AFAP1L2: variants seen among roughly 807,000 people sequenced by gnomAD.
AFAP1L2 encodes the protein actin filament associated protein 1 like 2.
AFAP1L2 carries 46 observed loss-of-function variants against 99.3 expected under a neutral mutation model. The ratio of observed to expected loss-of-function variants is 0.46; its 90% confidence interval spans 0.37 to 0.59. The LOEUF (loss-of-function observed/expected upper bound fraction) is 0.59, where lower values mean the gene tolerates loss of function less well. Ranked by LOEUF, AFAP1L2 falls within the 20% of genes least tolerant of loss-of-function variation. The pLI is 0.00. For missense variants in AFAP1L2, 959 were observed against 1,034.9 expected (o/e 0.93, Z 1.01); for synonymous variants, 397 against 419.1 (o/e 0.95, Z 0.64).
intron 1 of AFAP1L2, among the ~76,000 whole-genome samples, chr10:114,381,441 G>C (rs920712145): frequency 6.6e-6 from 1 of 152,172 alleles, no homozygotes; most frequent in Non-Finnish European, 1.5e-5. Context: ...TTTTTATTGA[G>C]ATGATGAAAA....
rs190427191 is a variant in AFAP1L2, at chr10:114,354,443, G to C, written c.17-13712C>G. On this transcript the variant is annotated intron_variant, in intron 1 of 18. Coordinates refer to ENST00000304129, the MANE Select transcript of AFAP1L2 (RefSeq NM_001001936.3). ...TGAAGAAGTTAGAGAACAATAATGA[G>C]TGGAAATTAATCATTTGGTCTATTT... is the stretch of plus-strand genomic sequence containing the variant. Among the ~76,000 whole-genome samples, 38 of 152,298 alleles carry C rather than the reference G, an allele frequency of 2.5e-4. No individual in the cohort carries two copies. In the South Asian group the frequency reaches 7.7e-3, roughly 31 times the overall value.
intron 1 of AFAP1L2, among the ~76,000 whole-genome samples, chr10:114,404,062 T>C (rs2058489249): frequency 6.6e-6 from 1 of 152,022 alleles, no homozygotes; most frequent in African/African-American, 2.4e-5. Context: ...CCCCAGCAGC[T>C]CAGCACGGTT....
chr10:114,315,755 C>T lies in AFAP1L2; in HGVS notation c.417G>A (p.Glu139=). ...PYDTSLNEDG[E]AVSSSYESYD... ...AGGACTCGTAGGAGCTGCTCACAGC[C>T]TCTCCGTCCTCTGCAAGGAAGACCA... The change falls in exon 6 of 19, where the codon GAG becomes GAA. Residue 139 remains glutamate, a synonymous_variant. Transcript: ENST00000304129. 1 of 1,611,534 alleles carries T rather than the reference C, an allele frequency of 6.2e-7. No homozygotes were observed. Among genetic ancestry groups the T allele is most frequent in the Non-Finnish European group, 8.5e-7 (1 of 1,179,270 alleles).
the AFAP1L2 span, chr10:114,284,807 C>T: frequency 5.9e-6 from 9 of 1,516,230 alleles, no homozygotes; most frequent in South Asian, 1.1e-4. Flanking sequence ...TCTGGCCAGT[C>T]CTCTCCACTC....
chr10:114,299,059 T>C (rs1386069205), intron 16 of AFAP1L2, among the ~76,000 whole-genome samples: 1 of 152,204 alleles, frequency 6.6e-6, no homozygotes, highest in African/African-American at 2.4e-5. Flanking sequence ...GTCAGAGGCT[T>C]TCTCTCTCTG....
chr10:114,311,482 G>C (rs140259779), intron 7 of AFAP1L2, among the ~76,000 whole-genome samples: 164 of 152,356 alleles, frequency 1.1e-3, no homozygotes, highest in Middle Eastern at 0.01. Flanking sequence ...ATGCAACCCA[G>C]TGTCATAGGA....
chr10:114,296,237 C>A, intron 18 of AFAP1L2, 169 bp from the exon 19 acceptor site: 1 of 890,234 alleles, frequency 1.1e-6, no homozygotes, highest in Non-Finnish European at 1.8e-6. Flanking sequence ...AGTGCCTATT[C>A]AGAGATTTTG....
chr10:114,338,473 C>T lies in AFAP1L2; in HGVS notation c.145+2130G>A, dbSNP rs190806754. On this transcript the variant is annotated intron_variant, in intron 2 of 18. Transcript: ENST00000304129. The stretch of plus-strand genomic sequence containing the variant: ...GAAATAAAACCATATGTCCACAAGA[C>T]GACTTTTTCAAGAATGTTCCTAGCC... 5.3e-4 allele frequency among the ~76,000 whole-genome samples: 80 copies of T among 152,318 alleles called. 1 individual carries two copies. Among genetic ancestry groups the T allele is most frequent in the South Asian group, 3.5e-3 (17 of 4,832 alleles).
Position 114,299,261 on chromosome 10 carries a change from T to A in AFAP1L2, c.2112A>T (p.Thr704=). Residue 704 remains threonine, a splice_region_variant and synonymous_variant, in exon 16 of 19, where the codon ACA becomes ACT. Transcript: ENST00000304129. ...RELKETLLKC[T]DKEVLASLEQ... ...CCTCCCCACTGGGGGCCCCCTTACC[T>A]GTGCATTTCAGTAGGGTTTCCTTTA... 6.2e-7 allele frequency: 1 copy of A among 1,614,180 alleles called. No individual in the cohort carries two copies. The highest frequency in any genetic ancestry group is 8.5e-7 in the Non-Finnish European group (1 of 1,180,018).
At chr10:114,364,853 G>T (rs1444860289) in intron 1 of AFAP1L2, among the ~76,000 whole-genome samples, 1 of 152,188 alleles carries the variant, frequency 6.6e-6, no homozygotes, top group East Asian at 1.9e-4. Flanking sequence ...CCAGGAATGG[G>T]AGGGGGAGCC....
At position 114,362,457 on chromosome 10, in the gene AFAP1L2, T is replaced by C. The variant is rs373198386; in HGVS notation, c.17-21726A>G. On this transcript the variant is annotated intron_variant, in intron 1 of 18. Coordinates refer to ENST00000304129, the MANE Select transcript of AFAP1L2 (RefSeq NM_001001936.3). ...GAGATCCAAGACACAGAGAATAAGG[T>C]CTTGTGAAGACAAAGGCAGAGACGG... Among the ~76,000 whole-genome samples the C allele has an allele frequency of 6.6e-4, 100 of 152,012 alleles. 1 individual carries two copies. The highest frequency in any genetic ancestry group is 2.3e-3 in the African/African-American group (96 of 41,446).
intron 1 of AFAP1L2, among the ~76,000 whole-genome samples, chr10:114,372,552 G>A (rs2054254515): frequency 6.6e-6 from 1 of 152,134 alleles, no homozygotes; most frequent in South Asian, 2.1e-4. Flanking sequence ...GACTTCTTTT[G>A]TATATTTCCT....
At chr10:114,404,647 C>T, upstream of AFAP1L2, 2 of 750,842 alleles carry the variant, frequency 2.7e-6, no homozygotes, top group Non-Finnish European at 3.6e-6. Context: ...GCCCCTGTCC[C>T]AGCGCCCCTG....
upstream of AFAP1L2, among the ~76,000 whole-genome samples, chr10:114,404,932 T>G (rs1404849211): frequency 6.6e-6 from 1 of 152,072 alleles, no homozygotes; most frequent in Non-Finnish European, 1.5e-5. Flanking sequence ...GCTAGGAGGT[T>G]GAGACTGGCT....
chr10:114,395,287 G>A (rs1171236185), intron 1 of AFAP1L2, among the ~76,000 whole-genome samples: 1 of 152,180 alleles, frequency 6.6e-6, no homozygotes, highest in East Asian at 1.9e-4. Flanking sequence ...GTTGACCATT[G>A]TGAGCTGATA....
downstream of AFAP1L2, chr10:114,290,273 G>A (rs2039442169): frequency 1.9e-6 from 3 of 1,550,498 alleles, no homozygotes; most frequent in Non-Finnish European, 2.6e-6. Context: ...TGCAAACCCA[G>A]CCCGTGCATG....
At chr10:114,356,596 A>G (rs2051428226) in intron 1 of AFAP1L2, among the ~76,000 whole-genome samples, 1 of 152,192 alleles carries the variant, frequency 6.6e-6, no homozygotes, top group Non-Finnish European at 1.5e-5. Flanking sequence ...TTTCTATTGG[A>G]TAGTACTGAT....
rs887113324 is a variant in AFAP1L2 at position 114,307,814 on chromosome 10, C to T, written c.1063G>A (p.Glu355Lys). The T allele has an allele frequency of 3.7e-5, 60 of 1,613,764 alleles. No individual in the cohort carries two copies. In the Middle Eastern group the frequency reaches 1.3e-3, roughly 35 times the overall value. ...TSLEPVERSL[E>K]TSSYLNVLVN... is the part of the protein sequence containing the mutation. ...TAGCTACAATTCTTACTGGATGTCTCGAGGGACCTCTCCACAGGCTCCAGT... is the reference window on the plus strand; with the variant it reads ...TAGCTACAATTCTTACTGGATGTCTTGAGGGACCTCTCCACAGGCTCCAGT... The change falls in exon 10 of 19, where the codon GAG becomes AAG. Residue 355 changes from glutamate (E) to lysine (K), a missense_variant. Coordinates refer to ENST00000304129, the MANE Select transcript of AFAP1L2 (RefSeq NM_001001936.3).
At chr10:114,286,007 C>T in the AFAP1L2 span, 1 of 1,614,102 alleles carries the variant, frequency 6.2e-7, no homozygotes, top group Admixed American at 1.7e-5. Flanking sequence ...GGGCACCACT[C>T]TGGACGGCTT....
Sources: gnomAD v4.1 joint callset for allele counts (sites outside exome capture counted in the v4.1 genomes callset) on GRCh38, gnomAD v4.1.1 for gene constraint, MANE v1.5 for transcripts, NCBI Gene and HGNC (gene_info 2026-07-23, HGNC 2026-07-21) for gene names.